NRXN3: variants seen among roughly 807,000 people sequenced by gnomAD.
NRXN3 encodes the protein neurexin 3.
A neutral mutation model predicts 137.6 loss-of-function variants in NRXN3; 32 were observed. The observed-to-expected ratio is 0.23, with a 90% CI of 0.18 to 0.31. The LOEUF (loss-of-function observed/expected upper bound fraction) is 0.31, where lower values mean the gene tolerates loss of function less well. NRXN3 is among the 10% of genes least tolerant of loss of function. The pLI is 1.00. For synonymous variants in NRXN3, 798 were observed against 784.5 expected, an observed-to-expected ratio of 1.02 and a Z score of -0.29; for missense variants, 1,574 against 2,062.5, an observed-to-expected ratio of 0.76 and a Z score of 4.59.
intron 4 of NRXN3, among the ~76,000 whole-genome samples, chr14:78,576,550 T>C (rs2096937885): frequency 6.6e-6 from 1 of 152,184 alleles, no homozygotes; most frequent in African/African-American, 2.4e-5. Context: ...GGGGATTTGA[T>C]TCTTCTCCAC....
At chr14:79,069,161 A>G (rs1228168160) in intron 15 of NRXN3, among the ~76,000 whole-genome samples, 1 of 152,098 alleles carries the variant, frequency 6.6e-6, no homozygotes, top group Non-Finnish European at 1.5e-5. Flanking sequence ...AATGGCAGCA[A>G]GAGAACAGCA....
At chr14:78,827,079 A>G (rs543089088) in intron 10 of NRXN3, among the ~76,000 whole-genome samples, 1 of 152,278 alleles carries the variant, frequency 6.6e-6, no homozygotes, top group African/African-American at 2.4e-5. Flanking sequence ...CCCAAATATT[A>G]TCTTCCTCAG....
chr14:79,563,852 C>T (rs2097525214), intron 16 of NRXN3, among the ~76,000 whole-genome samples: 1 of 151,982 alleles, frequency 6.6e-6, no homozygotes, highest in South Asian at 2.1e-4. Flanking sequence ...ATGATTCTGA[C>T]TGGAACACAG....
At chr14:78,213,475 G>A (rs1201287275) in intron 1 of NRXN3, among the ~76,000 whole-genome samples, 2 of 152,148 alleles carry the variant, frequency 1.3e-5, no homozygotes, top group Non-Finnish European at 2.9e-5. Flanking sequence ...GAAAGATTGA[G>A]TAGGAAGAGC....
chr14:78,917,033 A>G (rs1394701453), intron 10 of NRXN3, among the ~76,000 whole-genome samples: 15 of 152,166 alleles, frequency 9.9e-5, no homozygotes, highest in Non-Finnish European at 1.2e-4. Flanking sequence ...TTACTTCTTA[A>G]AGACCCTATC....
intron 10 of NRXN3, among the ~76,000 whole-genome samples, chr14:78,913,274 C>CTTTTTTTTTTTTTT (rs1157942892): frequency 1.0e-4 from 5 of 47,846 alleles, no homozygotes; most frequent in Non-Finnish European, 1.8e-4. Flanking sequence ...TTCTTTCTTT[C>CTTTTTTTTTTTTTT]TTTTTTTTTT....
intron 15 of NRXN3, among the ~76,000 whole-genome samples, chr14:79,051,890 T>A (rs892641224): frequency 6.6e-6 from 1 of 152,192 alleles, no homozygotes; most frequent in African/African-American, 2.4e-5. Flanking sequence ...CCATCTCCCC[T>A]GGCTAAGATG....
chr14:79,175,155 T>C (rs1484390632), intron 15 of NRXN3, among the ~76,000 whole-genome samples: 1 of 151,994 alleles, frequency 6.6e-6, no homozygotes, highest in Non-Finnish European at 1.5e-5. Context: ...TAATTTTTTG[T>C]ATTTGTACTA....
chr14:79,538,087 C>G (rs1225769808), intron 16 of NRXN3, among the ~76,000 whole-genome samples: 1 of 152,148 alleles, frequency 6.6e-6, no homozygotes, highest in East Asian at 1.9e-4. Flanking sequence ...GCATAAATGT[C>G]TTCTTTTGAG....
intron 15 of NRXN3, among the ~76,000 whole-genome samples, chr14:79,159,808 T>C (rs1395529068): frequency 2.6e-5 from 4 of 151,876 alleles, no homozygotes; most frequent in African/African-American, 9.7e-5. Flanking sequence ...TCCCTCAAAC[T>C]AGATCATGTT....
chr14:78,644,776 C>T (rs1424911388), intron 4 of NRXN3, among the ~76,000 whole-genome samples: 4 of 152,176 alleles, frequency 2.6e-5, no homozygotes, highest in Admixed American at 6.5e-5. Context: ...CATTTAAAAG[C>T]AATTCCTGAA....
intron 19 of NRXN3, among the ~76,000 whole-genome samples, chr14:79,763,972 T>C (rs959227347): frequency 9.3e-5 from 14 of 150,036 alleles, no homozygotes; most frequent in African/African-American, 3.6e-4. Flanking sequence ...ATTTAACTTT[T>C]ATTGTGCTTT....
intron 15 of NRXN3, among the ~76,000 whole-genome samples, chr14:79,110,368 A>T (rs2053252539): frequency 6.6e-6 from 1 of 152,192 alleles, no homozygotes; most frequent in South Asian, 2.1e-4. Context: ...TCCTTTCTAG[A>T]TCCATTCCTT....
At chr14:78,441,322 C>T (rs1004026679) in intron 4 of NRXN3, among the ~76,000 whole-genome samples, 1 of 152,188 alleles carries the variant, frequency 6.6e-6, no homozygotes, top group Non-Finnish European at 1.5e-5. Flanking sequence ...TTTTTAACCT[C>T]TGCATCTTTG....
chr14:79,691,294 G>A (rs540800495), intron 17 of NRXN3, among the ~76,000 whole-genome samples: 1 of 152,058 alleles, frequency 6.6e-6, no homozygotes, highest in African/African-American at 2.4e-5. Flanking sequence ...TTCCTAACAG[G>A]CTTTATGAAT....
intron 15 of NRXN3, among the ~76,000 whole-genome samples, chr14:79,384,506 G>A (rs1037798614): frequency 6.6e-6 from 1 of 152,122 alleles, no homozygotes; most frequent in Non-Finnish European, 1.5e-5. Context: ...TTGGTTGAAC[G>A]ATACAGGAAG....
At chr14:78,278,623 C>A (rs1567152131) in intron 2 of NRXN3, 22 bp from the exon 3 acceptor site, 1 of 1,532,772 alleles carries the variant, frequency 6.5e-7, no homozygotes. Flanking sequence ...CCCTTTCCCT[C>A]CCTTTGAAAA....
intron 15 of NRXN3, among the ~76,000 whole-genome samples, chr14:79,245,181 A>G (rs1172659472): frequency 2.0e-5 from 3 of 151,366 alleles, no homozygotes; most frequent in Non-Finnish European, 4.4e-5. Context: ...CAGCTACTTG[A>G]CCTAAGCATC....
intron 17 of NRXN3, among the ~76,000 whole-genome samples, chr14:79,669,587 CTTAT>C (rs2098594769): frequency 6.6e-6 from 1 of 152,058 alleles, no homozygotes; most frequent in South Asian, 2.1e-4. Context: ...TCAATAGGCA[CTTAT>C]ATATACATAT....
Sources: allele counts gnomAD v4.1 joint callset (sites outside exome capture counted in the v4.1 genomes callset), GRCh38; gene constraint gnomAD v4.1.1; transcripts MANE v1.5; gene names NCBI Gene and HGNC (gene_info 2026-07-23, HGNC 2026-07-21).